The following PRKN variants were observed in gnomAD, a reference collection of about 807,000 sequenced individuals.
PRKN encodes parkin RBR E3 ubiquitin protein ligase, also known as E3 ubiquitin-protein ligase parkin.
Under a neutral mutation model 59.5 loss-of-function variants are expected in PRKN, and 56 were observed. The observed-to-expected ratio is 0.94, with a 90% CI of 0.76 to 1.18. The LOEUF is 1.18. Ranked by LOEUF, PRKN falls within the 50% of genes most tolerant of loss-of-function variation. The pLI, the probability that PRKN is intolerant of heterozygous loss-of-function variation, is 0.00. For synonymous variants in PRKN, 250 were observed against 222.1 expected, an observed-to-expected ratio of 1.13 and a Z score of -1.12; for missense variants, 657 against 596.4, an observed-to-expected ratio of 1.10 and a Z score of -1.06.
At chr6:162,521,593 A>G (rs188166010) in intron 1 of PRKN, among the ~76,000 whole-genome samples, 1 of 152,164 alleles carries the variant, frequency 6.6e-6, no homozygotes, top group Admixed American at 6.5e-5. Flanking sequence ...TGGAAAAAAC[A>G]TATTACTATT....
chr6:161,577,475 A>G (rs1279673131), intron 7 of PRKN, among the ~76,000 whole-genome samples: 1 of 152,234 alleles, frequency 6.6e-6, no homozygotes, highest in Non-Finnish European at 1.5e-5. Flanking sequence ...ATATATGAGC[A>G]TGAATGTAGT....
In PRKN at chr6:161,748,305, C is replaced by CT. The variant is rs997142140; in HGVS notation, c.871+37466dup. Among the ~76,000 whole-genome samples, 277 of 147,350 alleles carry CT rather than the reference C, an allele frequency of 1.9e-3. 2 individuals are homozygous for CT. Among genetic ancestry groups the CT allele is most frequent in the African/African-American group, 6.1e-3 (247 of 40,272 alleles). ...TATCAGGTGAGTGAAGGAGACACGTCTTTTTTTTTTCTTTCTCCTTTTTGC... is the reference window on the plus strand; with the variant it reads ...TATCAGGTGAGTGAAGGAGACACGTCTTTTTTTTTTTCTTTCTCCTTTTTGC... On this transcript the variant is annotated intron_variant, in intron 7 of 11. Transcript: ENST00000366898.
At chr6:162,492,674 G>A (rs961608873) in intron 1 of PRKN, among the ~76,000 whole-genome samples, 2 of 151,996 alleles carry the variant, frequency 1.3e-5, no homozygotes, top group African/African-American at 2.4e-5. Context: ...GTGTGGGGCC[G>A]GGCGCGGTGG....
At chr6:161,975,149 G>C (rs757404162) in intron 5 of PRKN, among the ~76,000 whole-genome samples, 2 of 146,106 alleles carry the variant, frequency 1.4e-5, no homozygotes, top group African/African-American at 5.1e-5. Flanking sequence ...GCAGTGGCGC[G>C]ATCTCAGCTC....
At position 161,810,351 on chromosome 6, in the gene PRKN, G is replaced by T. The variant is rs191648999; in HGVS notation, c.735-24443C>A. 7.9e-4 allele frequency among the ~76,000 whole-genome samples: 121 copies of T among 152,232 alleles called. 1 individual carries two copies. The highest frequency in any genetic ancestry group is 2.7e-3 in the African/African-American group (113 of 41,546). ...TACATTTCTGTTATTTAAGCCACCT[G>T]GTCTGTAGTAGGCAGCCTGAGCAAA... On this transcript the variant is annotated intron_variant, in intron 6 of 11. Coordinates refer to ENST00000366898, the MANE Select transcript of PRKN (RefSeq NM_004562.3).
chr6:162,369,875 C>T (rs569635642), intron 2 of PRKN, among the ~76,000 whole-genome samples: 1 of 152,202 alleles, frequency 6.6e-6, no homozygotes, highest in Admixed American at 6.6e-5. Flanking sequence ...TGAAGGTATC[C>T]TGCCTCAAGA....
chr6:161,806,364 G>A (rs1185224482), intron 6 of PRKN, among the ~76,000 whole-genome samples: 1 of 152,186 alleles, frequency 6.6e-6, no homozygotes, highest in Non-Finnish European at 1.5e-5. Context: ...GGCAGCGCAT[G>A]ATGTTTGGAC....
At chr6:161,724,158 G>A (rs1165307220) in intron 7 of PRKN, among the ~76,000 whole-genome samples, 1 of 152,216 alleles carries the variant, frequency 6.6e-6, no homozygotes, top group Non-Finnish European at 1.5e-5. Flanking sequence ...ACGGGCACAT[G>A]GAATAAGAGT....
At chr6:161,601,065 C>T (rs984191244) in intron 7 of PRKN, among the ~76,000 whole-genome samples, 2 of 152,156 alleles carry the variant, frequency 1.3e-5, no homozygotes, top group Non-Finnish European at 2.9e-5. Context: ...CTATATGAAT[C>T]TTTTCTAAAT....
intron 5 of PRKN, among the ~76,000 whole-genome samples, chr6:162,042,759 T>C (rs1185928064): frequency 6.6e-6 from 1 of 152,178 alleles, no homozygotes; most frequent in Non-Finnish European, 1.5e-5. Flanking sequence ...TTGTGCTAGG[T>C]AATATGAGTT....
chr6:161,551,520 G>A lies in PRKN; in HGVS notation c.934-2517C>T, dbSNP rs1032229364. Among the ~76,000 whole-genome samples the A allele has an allele frequency of 3.9e-5, 6 of 152,136 alleles. No individual in the cohort carries two copies. The highest frequency in any genetic ancestry group is 5.9e-5 in the Non-Finnish European group (4 of 68,016). Reference sequence around the variant, plus strand: ...AAACTGAGGAGGACTCAGGTGTCCCGAAAGCCAAGGGAACACATCTCAAGG... The same window carrying A: ...AAACTGAGGAGGACTCAGGTGTCCCAAAAGCCAAGGGAACACATCTCAAGG... On this transcript the variant is annotated intron_variant, in intron 8 of 11. Transcript: ENST00000366898. The surrounding 1 kb of genome is among the most constrained non-coding windows in gnomAD (Gnocchi z 5.2).
At chr6:162,693,524 C>G (rs1439774194) in intron 1 of PRKN, among the ~76,000 whole-genome samples, 5 of 152,174 alleles carry the variant, frequency 3.3e-5, no homozygotes, top group Admixed American at 3.3e-4. Flanking sequence ...GCATTGAATA[C>G]AATCACCATC....
At chr6:162,477,230 T>C (rs1792064610) in intron 1 of PRKN, among the ~76,000 whole-genome samples, 1 of 152,160 alleles carries the variant, frequency 6.6e-6, no homozygotes, top group Non-Finnish European at 1.5e-5. Flanking sequence ...AGGTGTTTCA[T>C]CATTGCCCAC....
At chr6:161,684,876 C>T (rs1464738111) in intron 7 of PRKN, among the ~76,000 whole-genome samples, 1 of 151,380 alleles carries the variant, frequency 6.6e-6, no homozygotes, top group African/African-American at 2.4e-5. Flanking sequence ...CTTTTCAGAA[C>T]AGGAGAGGCC....
At chr6:162,564,977 C>A (rs762206631) in intron 1 of PRKN, among the ~76,000 whole-genome samples, 1 of 151,676 alleles carries the variant, frequency 6.6e-6, no homozygotes, top group East Asian at 1.9e-4. Context: ...AACAGTGTAA[C>A]TGTGGTGTGT....
Position 162,585,688 on chromosome 6 carries a change from C to CATT in PRKN, c.7+141971_7+141973dup, listed in dbSNP as rs146720556. ...ATATACTGAGTATTTCATAGACTTA[C>CATT]ATTATTATTATTATTATTAATTTAT... is the stretch of plus-strand genomic sequence containing the variant. On this transcript the variant is annotated intron_variant, in intron 1 of 11. Coordinates refer to ENST00000366898, the MANE Select transcript of PRKN (RefSeq NM_004562.3). Among the ~76,000 whole-genome samples, 22 of 151,718 alleles carry CATT rather than the reference C, an allele frequency of 1.5e-4. No individual in the cohort carries two copies. In the South Asian group the frequency reaches 1.7e-3, roughly 12 times the overall value.
chr6:162,066,149 G>A (rs1369237412), intron 4 of PRKN, among the ~76,000 whole-genome samples: 1 of 152,172 alleles, frequency 6.6e-6, no homozygotes, highest in Non-Finnish European at 1.5e-5. Flanking sequence ...TCGCCACACT[G>A]TCTTCCACAA....
rs1280700138 is a variant in PRKN at position 162,427,180 on chromosome 6, A to G, written c.171+16130T>C. ...TTTACACCAGTCAGGCTCAAAATTTAAAAGTCTGAAAATATTAAACGTTGG... is the reference window on the plus strand; with the variant it reads ...TTTACACCAGTCAGGCTCAAAATTTGAAAGTCTGAAAATATTAAACGTTGG... On this transcript the variant is annotated intron_variant, in intron 2 of 11. Coordinates refer to ENST00000366898, the MANE Select transcript of PRKN (RefSeq NM_004562.3). 3.3e-5 allele frequency among the ~76,000 whole-genome samples: 5 copies of G among 152,218 alleles called. No homozygotes were observed. The East Asian group carries it at 7.7e-4, about 23-fold the overall frequency.
At chr6:162,194,532 G>C (rs1784416872) in intron 4 of PRKN, among the ~76,000 whole-genome samples, 1 of 152,136 alleles carries the variant, frequency 6.6e-6, no homozygotes, top group Admixed American at 6.5e-5. Context: ...TCTACTGGCT[G>C]ATACTGATGC....
Sources: allele counts gnomAD v4.1 joint callset (sites outside exome capture counted in the v4.1 genomes callset), GRCh38; gene constraint gnomAD v4.1.1; non-coding constraint Gnocchi (gnomAD v3.1); transcripts MANE v1.5; gene names NCBI Gene and HGNC (gene_info 2026-07-23, HGNC 2026-07-21).